The following EIF3I variants were observed in gnomAD, a reference collection of about 807,000 sequenced individuals.
EIF3I encodes the protein eukaryotic translation initiation factor 3 subunit I.
Under a neutral mutation model 43.3 loss-of-function variants are expected in EIF3I, and 20 were observed. The ratio of observed to expected loss-of-function variants is 0.46; its 90% CI spans 0.32 to 0.67. The LOEUF (loss-of-function observed/expected upper bound fraction) is 0.67. EIF3I is among the 30% of genes least tolerant of loss of function. EIF3I has a pLI of 0.03. For synonymous variants in EIF3I, 167 were observed against 151.7 expected, an observed-to-expected ratio of 1.10 and a Z score of -0.74; for missense variants, 279 against 421.4, an observed-to-expected ratio of 0.66 and a Z score of 2.96.
chr1:32,228,438 C>T, intron 6 of EIF3I, 61 bp from the exon 7 acceptor site: 2 of 1,433,974 alleles, frequency 1.4e-6, no homozygotes, highest in South Asian at 2.3e-5. Flanking sequence ...GCTTGGGTTT[C>T]TGGGGAGCTG....
Position 32,222,533 on chromosome 1 carries a change from C to T in EIF3I, c.4-5C>T. 1 of 1,614,132 alleles carries T rather than the reference C, an allele frequency of 6.2e-7. No individual in the cohort carries two copies. Among genetic ancestry groups the T allele is most frequent in the Non-Finnish European group, 8.5e-7 (1 of 1,180,002 alleles). ...AGCACTGACGTTACTGTCTTGTCCC[C>T]ACAGAAGCCGATCCTACTGCAGGGC... On this transcript the variant is annotated splice_region_variant and splice_polypyrimidine_tract_variant and intron_variant, in intron 1 of 11. Transcript: ENST00000676679.
downstream of EIF3I, among the ~76,000 whole-genome samples, chr1:32,232,896 ATC>A (rs1288157638): frequency 2.6e-4 from 39 of 152,334 alleles, no homozygotes; most frequent in Middle Eastern, 0.01. Context: ...CCCTCCCCGC[ATC>A]TCTCAATCTC....
Position 32,231,105 on chromosome 1 carries a change from C to G in EIF3I, c.1008-10C>G, listed in dbSNP as rs1273762045. 2.5e-6 allele frequency: 4 copies of G among 1,613,400 alleles called. No individual in the cohort carries two copies. Among genetic ancestry groups the G allele is most frequent in the Non-Finnish European group, 3.4e-6 (4 of 1,179,440 alleles). ...AAGCACCTGACTGGTGCCTGGCTATCTTTTTCCAGCTACAGCAGCGGCGGC... is the reference window on the plus strand; with the variant it reads ...AAGCACCTGACTGGTGCCTGGCTATGTTTTTCCAGCTACAGCAGCGGCGGC... On this transcript the variant is annotated splice_polypyrimidine_tract_variant and intron_variant, in intron 11 of 11. Transcript: ENST00000676679.
intron 8 of EIF3I, 103 bp downstream of exon 8, chr1:32,228,919 C>G: frequency 8.6e-7 from 1 of 1,157,794 alleles, no homozygotes; most frequent in Non-Finnish European, 1.3e-6. Context: ...GAAATGATGT[C>G]AGGCAGAGAG....
rs201517935 is a variant in EIF3I, at chr1:32,228,638, T to C, written c.639+29T>C. ...AGCCTGGGCAGCGGTCTGGCAGGGC[T>C]GCTCCCTCCCTCCGGCTGCACAGCT... On this transcript the variant is annotated intron_variant, in intron 7 of 11. Coordinates refer to ENST00000676679, the Ensembl canonical transcript of EIF3I. 2.6e-5 allele frequency: 42 copies of C among 1,609,126 alleles called. No individual in the cohort carries two copies. The Admixed American group carries it at 2.8e-4, about 11-fold the overall frequency.
chr1:32,222,777 A>G (rs1170778875), intron 2 of EIF3I, 147 bp downstream of exon 2: 29 of 781,626 alleles, frequency 3.7e-5, no homozygotes, highest in African/African-American at 1.7e-5. Flanking sequence ...TAGGTTGGCG[A>G]AAGTATTCTA....
chr1:32,228,705 C>T lies in EIF3I; in HGVS notation c.640-22C>T, dbSNP rs538856103. 1.1e-4 allele frequency: 183 copies of T among 1,602,032 alleles called. 2 individuals carry two copies. The South Asian group carries it at 1.8e-3, about 16-fold the overall frequency. On this transcript the variant is annotated intron_variant, in intron 7 of 11. Coordinates refer to ENST00000676679, the Ensembl canonical transcript of EIF3I. Reference sequence around the variant, plus strand: ...CCCCAGGAAAGCTCTTTACAGATTTCCCCCCTGCCTTCTCTCTCCAGCTTT... The same window carrying T: ...CCCCAGGAAAGCTCTTTACAGATTTTCCCCCTGCCTTCTCTCTCCAGCTTT...
intron 9 of EIF3I, among the ~76,000 whole-genome samples, 182 bp downstream of exon 9, chr1:32,229,390 G>A (rs754797107): frequency 2.0e-5 from 3 of 151,852 alleles, no homozygotes; most frequent in Middle Eastern, 3.2e-3. Flanking sequence ...CGGCCCAGGC[G>A]CCCACCACCA....
chr1:32,224,416 C>G, exon 4 of EIF3I: 1 of 1,613,588 alleles, frequency 6.2e-7, no homozygotes, highest in South Asian at 1.1e-5. Flanking sequence ...TCAGGGGACA[C>G]CAAGCATGTC....
chr1:32,224,093 C>T (rs752403674), exon 3 of EIF3I: 24 of 1,614,052 alleles, frequency 1.5e-5, no homozygotes, highest in Admixed American at 6.7e-5. Flanking sequence ...TGGGCCATAC[C>T]GGAGCTGTGT....
At position 32,226,263 on chromosome 1, in the gene EIF3I, C is replaced by T; in HGVS notation, c.343C>T (p.Gln115Ter). The T allele has an allele frequency of 1.2e-6, 2 of 1,614,088 alleles. No individual in the cohort carries two copies. The highest frequency in any genetic ancestry group is 1.7e-6 in the Non-Finnish European group (2 of 1,180,022). Residue 115 changes from glutamine to a stop codon, truncating the protein, a stop_gained, in exon 5 of 12, where the codon CAG (glutamine) becomes TAG (stop). Coordinates refer to ENST00000676679, the Ensembl canonical transcript of EIF3I. LOFTEE classifies it high-confidence loss of function. ...CATCATCATGTTCTCCACGGACAAG[C>T]AGATGGGCTACCAGTGCTTTGTGAG... is the stretch of plus-strand genomic sequence containing the variant.
At chr1:32,223,704 T>A (rs1423532725) in intron 2 of EIF3I, among the ~76,000 whole-genome samples, 1 of 152,160 alleles carries the variant, frequency 6.6e-6, no homozygotes, top group Non-Finnish European at 1.5e-5. Flanking sequence ...TACCAGCTGC[T>A]CCCACTTGGA....
chr1:32,230,865 C>A, intron 10 of EIF3I, 62 bp from the exon 10 acceptor site: 1 of 1,228,302 alleles, frequency 8.1e-7, no homozygotes, highest in Non-Finnish European at 1.2e-6. Flanking sequence ...TTGGGGAGTG[C>A]CACCTCCAAA....
In EIF3I at chr1:32,229,996, A is replaced by G. The variant is rs184253481; in HGVS notation, c.804-270A>G. Among the ~76,000 whole-genome samples the G allele has an allele frequency of 3.6e-3, 552 of 152,322 alleles. 2 individuals carry two copies. Among genetic ancestry groups the G allele is most frequent in the African/African-American group, 0.013 (523 of 41,564 alleles). ...CTGCCCAGCACATAGTAGGCACTCT[A>G]TAAGTATTAGTTATGTATTCAGGCA... On this transcript the variant is annotated intron_variant, in intron 9 of 11. Coordinates refer to ENST00000676679, the Ensembl canonical transcript of EIF3I.
chr1:32,230,984 T>C (rs780093687), exon 11 of EIF3I: 1 of 1,610,872 alleles, frequency 6.2e-7, no homozygotes, highest in Non-Finnish European at 8.5e-7. Flanking sequence ...ACTTTGGACC[T>C]ATCAACAGTG....
chr1:32,226,607 C>T, intron 6 of EIF3I, 77 bp downstream of exon 6: 2 of 1,358,700 alleles, frequency 1.5e-6, no homozygotes, highest in Non-Finnish European at 1.9e-6. Context: ...CTCTCTGTTG[C>T]CCAGGCTGGA....
intron 5 of EIF3I, 40 bp downstream of exon 5, chr1:32,226,360 A>G (rs1450987155): frequency 6.2e-7 from 1 of 1,613,520 alleles, no homozygotes; most frequent in Non-Finnish European, 8.5e-7. Context: ...GGTAAAGGGT[A>G]CAGTTCTAGA....
chr1:32,233,526 G>C (rs1639265279), downstream of EIF3I, among the ~76,000 whole-genome samples: 1 of 151,982 alleles, frequency 6.6e-6, no homozygotes, highest in African/African-American at 2.4e-5. Flanking sequence ...CCTGATCTCA[G>C]GTGACCTGCC....
At chr1:32,222,421 C>T (rs764180677) in exon 1 of EIF3I, 16 of 1,593,300 alleles carry the variant, frequency 1.0e-5, no homozygotes, top group Non-Finnish European at 1.3e-5. Flanking sequence ...ACGTTGCGGC[C>T]TTCCTCGCGT....
Sources: gnomAD v4.1 joint callset for allele counts (sites outside exome capture counted in the v4.1 genomes callset) on GRCh38, gnomAD v4.1.1 for gene constraint, MANE v1.5 for transcripts, NCBI Gene and HGNC (gene_info 2026-07-23, HGNC 2026-07-21) for gene names.